The following ANKRD35 variants were observed in gnomAD, a reference collection of about 807,000 sequenced individuals.
ANKRD35 encodes the protein ankyrin repeat domain 35, also known as ankyrin repeat domain-containing protein 35.
In ANKRD35, 102 loss-of-function variants were observed where a neutral mutation model predicts 109.9. The observed-to-expected ratio is 0.93, with a 90% CI of 0.79 to 1.09. The LOEUF (loss-of-function observed/expected upper bound fraction) is 1.09. ANKRD35 is among the 50% of genes least tolerant of loss of function. ANKRD35 has a pLI of 0.00. For synonymous variants in ANKRD35, 515 were observed against 512.4 expected (o/e 1.01, Z -0.07); for missense variants, 1,240 against 1,230.1 (o/e 1.01, Z -0.12).
rs782299512 is a variant in ANKRD35, at chr1:145,872,491, A to G, written c.2278T>C (p.Ser760Pro). Residue 760 changes from serine to proline, a missense_variant, in exon 10 of 14, where the codon TCC becomes CCC. Ser to Pro is a moderately conservative substitution (Grantham distance 74). Coordinates refer to ENST00000355594, the MANE Select transcript of ANKRD35 (RefSeq NM_144698.5). ...CCTGGCTCCCTACACGGGGACAAGG[A>G]CCCCCGCAACTGCTGGTTTTCTTCT... ...LQEENQQLRG[S>P]LSPCREPGTS... 5.7e-6 allele frequency: 9 copies of G among 1,581,086 alleles called. No individual in the cohort carries two copies. The highest frequency in any genetic ancestry group is 7.7e-6 in the Non-Finnish European group (9 of 1,166,254).
chr1:145,873,530 C>T lies in ANKRD35; in HGVS notation c.1239G>A (p.Gln413=), dbSNP rs1653935199. 1.2e-6 allele frequency: 2 copies of T among 1,614,016 alleles called. No homozygotes were observed. The highest frequency in any genetic ancestry group is 1.7e-6 in the Non-Finnish European group (2 of 1,180,008). ...GTTGGGACCTTCCATGGACTTCATA[C>T]TGGATCTTTCCTGGGGCTGAGTCCT... is the stretch of plus-strand genomic sequence containing the variant. ...KAEDSAPGKI[Q]YEVHGRSQPE... Residue 413 remains glutamine (Q), a synonymous_variant, in exon 10 of 14, where the codon CAG becomes CAA. Coordinates refer to ENST00000355594, the MANE Select transcript of ANKRD35 (RefSeq NM_144698.5).
At position 145,873,191 on chromosome 1, in the gene ANKRD35, AC is replaced by A. The variant is rs1236139795; in HGVS notation, c.1577del (p.Arg526LeufsTer32). On this transcript the variant is annotated frameshift_variant, in exon 10 of 14. Coordinates refer to ENST00000355594, the MANE Select transcript of ANKRD35 (RefSeq NM_144698.5). LOFTEE classifies it high-confidence loss of function. Reference protein sequence around the residue: ...PVMEGALGTPRAEAAAAAWEK... With the variant: ...PVMEGALGTPXAEAAAAAWEK... ...CCCAGGCAGCTGCTGCTGCCTCAGCACGGGGAGTCCCCAGGGCTCCCTCCAT... is the reference window on the plus strand; with the variant it reads ...CCCAGGCAGCTGCTGCTGCCTCAGCAGGGGAGTCCCCAGGGCTCCCTCCAT... 2 of 1,613,868 alleles carry A rather than the reference AC, an allele frequency of 1.2e-6. No individual in the cohort carries two copies. Among genetic ancestry groups the A allele is most frequent in the African/African-American group, 2.7e-5 (2 of 74,890 alleles).
Position 145,872,182 on chromosome 1 carries a change from C to A in ANKRD35, c.2587G>T (p.Ala863Ser). 1 of 1,607,860 alleles carries A rather than the reference C, an allele frequency of 6.2e-7. No individual in the cohort carries two copies. The highest frequency in any genetic ancestry group is 8.5e-7 in the Non-Finnish European group (1 of 1,177,064). ...LKALLEKYNT[A>S]CREVGRLREA... ...CGCAGCCGACCCACTTCCCGGCAGG[C>A]CGTATTATACTTTTCCAACAGAGCC... The change falls in exon 10 of 14, where the codon GCC (alanine) becomes TCC (serine). Residue 863 changes from alanine (A) to serine (S), a missense_variant. Coordinates refer to ENST00000355594, the MANE Select transcript of ANKRD35 (RefSeq NM_144698.5).
Position 145,879,320 on chromosome 1 carries a change from C to T in ANKRD35, c.108G>A (p.Val36=). 6.2e-7 allele frequency: 1 copy of T among 1,611,336 alleles called. No individual in the cohort carries two copies. Among genetic ancestry groups the T allele is most frequent in the Non-Finnish European group, 8.5e-7 (1 of 1,178,894 alleles). ...CAGATTTCCTGGAGGCCAGGGCAGC[C>T]ACGCGTCCCACATCCCCCCTGTGCA... ...EAVHRGDVGR[V]AALASRKSAR... The change falls in exon 2 of 14, where the codon GTG becomes GTA. Residue 36 remains valine (V), a synonymous_variant. Transcript: ENST00000355594.
chr1:145,873,147 A>G lies in ANKRD35; in HGVS notation c.1622T>C (p.Leu541Pro), dbSNP rs1553739249. 6.2e-7 allele frequency: 1 copy of G among 1,614,070 alleles called. No homozygotes were observed. The change falls in exon 10 of 14, where the codon CTG becomes CCG. Residue 541 changes from leucine (L) to proline (P), a missense_variant. Physicochemically the swap from Leu to Pro is moderately conservative, Grantham distance 98. Coordinates refer to ENST00000355594, the MANE Select transcript of ANKRD35 (RefSeq NM_144698.5). ...TTCCAGCCTTGCCAGCACCCGCTCC[A>G]GTCGGGCTTCCATCTTCTCCCAGGC... ...AAAWEKMEAR[L>P]ERVLARLEWA... is the part of the protein sequence containing the mutation.
chr1:145,885,541 C>T (rs953902390), intron 1 of ANKRD35, among the ~76,000 whole-genome samples, 179 bp downstream of exon 1: 2 of 152,032 alleles, frequency 1.3e-5, no homozygotes, highest in Non-Finnish European at 2.9e-5. Flanking sequence ...CAGGGCAAGT[C>T]AGAAGCTGCA....
chr1:145,868,488 T>A, intron 10 of ANKRD35, 88 bp from the exon 11 acceptor site: 1 of 1,059,466 alleles, frequency 9.4e-7, no homozygotes, highest in Non-Finnish European at 1.4e-6. Context: ...ACTGAGTATT[T>A]AATATGTGCC....
chr1:145,876,350 C>CCCAGAT, intron 6 of ANKRD35, 104 bp from the exon 7 acceptor site: 2 of 1,255,178 alleles, frequency 1.6e-6, no homozygotes, highest in Non-Finnish European at 2.3e-6. Context: ...AAAATAAAAG[C>CCCAGAT]CCAGATCTTG....
chr1:145,885,764 G>C lies in ANKRD35; in HGVS notation c.-6C>G. 1 of 1,613,516 alleles carries C rather than the reference G, an allele frequency of 6.2e-7. No individual in the cohort carries two copies. The highest frequency in any genetic ancestry group is 8.5e-7 in the Non-Finnish European group (1 of 1,179,506). On this transcript the variant is annotated 5_prime_UTR_variant, in exon 1 of 14. Coordinates refer to ENST00000355594, the MANE Select transcript of ANKRD35 (RefSeq NM_144698.5). ...CAGGAGAAGATACGCTTCATGGCCG[G>C]GGTCGGGGCCACGGGGGATGGGGAC...
chr1:145,874,734 C>T, intron 8 of ANKRD35, 88 bp downstream of exon 8: 3 of 1,406,986 alleles, frequency 2.1e-6, no homozygotes, highest in Non-Finnish European at 2.8e-6. Context: ...AATTATTTGT[C>T]AGATAGATTA....
In ANKRD35 at chr1:145,873,540, C is replaced by T. The variant is rs782246266; in HGVS notation, c.1229G>A (p.Gly410Glu). Residue 410 changes from glycine (G) to glutamate (E), a missense_variant, in exon 10 of 14, where the codon GGA becomes GAA. Coordinates refer to ENST00000355594, the MANE Select transcript of ANKRD35 (RefSeq NM_144698.5). Reference sequence around the variant, plus strand: ...TCCATGGACTTCATACTGGATCTTTCCTGGGGCTGAGTCCTCAGCCTTCTT... The same window carrying T: ...TCCATGGACTTCATACTGGATCTTTTCTGGGGCTGAGTCCTCAGCCTTCTT... ...APKKAEDSAP[G>E]KIQYEVHGRS... The T allele has an allele frequency of 5.6e-6, 9 of 1,614,126 alleles. No homozygotes were observed. The South Asian group carries it at 9.9e-5, about 18-fold the overall frequency.
intron 1 of ANKRD35, among the ~76,000 whole-genome samples, chr1:145,883,430 T>C (rs1654365521): frequency 6.6e-6 from 1 of 152,186 alleles, no homozygotes; most frequent in Non-Finnish European, 1.5e-5. Flanking sequence ...CTACTTCTGG[T>C]CTACCTAGGC....
In ANKRD35 at chr1:145,878,371, C is replaced by T. The variant is rs781895132; in HGVS notation, c.259+20G>A. On this transcript the variant is annotated intron_variant, in intron 3 of 13. Coordinates refer to ENST00000355594, the MANE Select transcript of ANKRD35 (RefSeq NM_144698.5). ...CCAGGGGCAAGCAAGCAGCGTGGCC[C>T]AGTGCTCCGGCTCACTCACCATCCT... 37 of 1,557,026 alleles carry T rather than the reference C, an allele frequency of 2.4e-5. No individual in the cohort carries two copies. Among genetic ancestry groups the T allele is most frequent in the Admixed American group, 5.8e-5 (3 of 51,632 alleles).
intron 1 of ANKRD35, among the ~76,000 whole-genome samples, chr1:145,883,525 T>C (rs1553741465): frequency 6.6e-6 from 1 of 152,244 alleles, no homozygotes; most frequent in Admixed American, 6.5e-5. Flanking sequence ...GGGGTTTTTT[T>C]GTGTGTGGAT....
chr1:145,867,199 G>T, intron 13 of ANKRD35, 88 bp downstream of exon 13: 2 of 883,666 alleles, frequency 2.3e-6, no homozygotes, highest in Admixed American at 3.7e-5. Flanking sequence ...CCACCACGGG[G>T]GCAAAAGGGA....
At chr1:145,881,515 T>A (rs1291314211) in intron 1 of ANKRD35, among the ~76,000 whole-genome samples, 1 of 152,216 alleles carries the variant, frequency 6.6e-6, no homozygotes, top group Non-Finnish European at 1.5e-5. Flanking sequence ...CTCCTTCACA[T>A]ACTAACAGAC....
rs782642259 is a variant in ANKRD35 at position 145,872,389 on chromosome 1, G to T, written c.2380C>A (p.Arg794=). Residue 794 remains arginine (R), a synonymous_variant, in exon 10 of 14, where the codon CGG becomes AGG. Coordinates refer to ENST00000355594, the MANE Select transcript of ANKRD35 (RefSeq NM_144698.5). ...QDLGKLEEEL[R]AVQATMSGKS... Reference sequence around the variant, plus strand: ...CCGCTCATCGTGGCCTGAACTGCCCGCAGCTCTTCCTCCAGCTTCCCCAGG... The same window carrying T: ...CCGCTCATCGTGGCCTGAACTGCCCTCAGCTCTTCCTCCAGCTTCCCCAGG... 2 of 1,612,984 alleles carry T rather than the reference G, an allele frequency of 1.2e-6. No individual in the cohort carries two copies. Among genetic ancestry groups the T allele is most frequent in the Non-Finnish European group, 1.7e-6 (2 of 1,179,668 alleles).
At position 145,873,016 on chromosome 1, in the gene ANKRD35, C is replaced by A; in HGVS notation, c.1753G>T (p.Glu585Ter). ...CCTTGAGCCCCAGGAACCCTTTTCT[C>A]CTTCTCTTCATCCTGTTTGATGCTC... The part of the protein sequence containing the change: ...PGSIKQDEEK[E>*]KRVPGAQGEP... The change falls in exon 10 of 14, where the codon GAG (glutamate) becomes TAG (stop). Residue 585 changes from glutamate to a stop codon, truncating the protein, a stop_gained. Transcript: ENST00000355594. LOFTEE classifies it high-confidence loss of function. 6.2e-7 allele frequency: 1 copy of A among 1,611,002 alleles called. No individual in the cohort carries two copies. Among genetic ancestry groups the A allele is most frequent in the South Asian group, 1.1e-5 (1 of 90,734 alleles).
chr1:145,884,990 A>G (rs1654425503), intron 1 of ANKRD35, among the ~76,000 whole-genome samples: 2 of 152,166 alleles, frequency 1.3e-5, no homozygotes, highest in African/African-American at 4.8e-5. Flanking sequence ...ATTAACTCAC[A>G]GCAAGCAGGC....
Sources: gnomAD v4.1 joint callset for allele counts (sites outside exome capture counted in the v4.1 genomes callset) on GRCh38, gnomAD v4.1.1 for gene constraint, MANE v1.5 for transcripts, NCBI Gene and HGNC (gene_info 2026-07-23, HGNC 2026-07-21) for gene names.